The following IL1RAPL1 variants were observed in gnomAD, a reference collection of about 807,000 sequenced individuals.
The protein encoded by IL1RAPL1 is interleukin-1 receptor accessory protein-like 1.
Under a neutral mutation model 48.4 loss-of-function variants are expected in IL1RAPL1, and 3 were observed. The ratio of observed to expected loss-of-function variants is 0.06; its 90% CI spans 0.03 to 0.16. The LOEUF (loss-of-function observed/expected upper bound fraction) is 0.16. Among genes scored for constraint, IL1RAPL1 ranks in the 10% least tolerant of loss-of-function variants. The probability of loss-of-function intolerance (pLI) is 1.00; values close to 1 mark genes in which losing one functional copy is unlikely to be tolerated. For missense variants in IL1RAPL1, 349 were observed against 530.6 expected (o/e 0.66, Z 3.36); for synonymous variants, 185 against 187.7 (o/e 0.99, Z 0.12).
At chrX:28,588,502 A>G (rs1933874093) in intron 1 of IL1RAPL1, among the ~76,000 whole-genome samples, 1 of 111,988 alleles carries the variant, frequency 8.9e-6, no homozygotes, top group Non-Finnish European at 1.9e-5. Context: ...TAAAAGAAAT[A>G]TGTTTTCAAC....
At chrX:29,804,830 C>T (rs1471864738) in intron 6 of IL1RAPL1, among the ~76,000 whole-genome samples, 1 of 111,978 alleles carries the variant, frequency 8.9e-6, no homozygotes, top group East Asian at 2.8e-4. Flanking sequence ...AAAGGAAGCT[C>T]AAGCTCAACA....
chrX:29,750,307 T>C (rs185639562), intron 6 of IL1RAPL1, among the ~76,000 whole-genome samples: 1,388 of 112,317 alleles, frequency 0.012, 9 homozygotes, highest in Middle Eastern at 0.046. Flanking sequence ...AAGTAGTCCG[T>C]GACTTTGTAT....
intron 2 of IL1RAPL1, among the ~76,000 whole-genome samples, chrX:29,024,301 G>A (rs929055100): frequency 9.9e-5 from 11 of 111,341 alleles, no homozygotes; most frequent in African/African-American, 3.6e-4. Context: ...CCCTAATTAG[G>A]GATAAGATAT....
chrX:28,602,336 C>T (rs1410218635), intron 1 of IL1RAPL1, among the ~76,000 whole-genome samples: 1 of 111,850 alleles, frequency 8.9e-6, no homozygotes. Context: ...AAAATTGTTC[C>T]ATTTTTACTG....
At chrX:29,273,964 T>C (rs1932081174) in intron 2 of IL1RAPL1, among the ~76,000 whole-genome samples, 1 of 111,869 alleles carries the variant, frequency 8.9e-6, no homozygotes, top group Admixed American at 9.5e-5. Context: ...CTTAAACATA[T>C]ACAATTTTTA....
chrX:28,752,693 G>A (rs1044914168), intron 1 of IL1RAPL1, among the ~76,000 whole-genome samples: 1 of 112,316 alleles, frequency 8.9e-6, no homozygotes, highest in Non-Finnish European at 1.9e-5. Flanking sequence ...CAAGGTTTGG[G>A]AAAAGGTGAT....
intron 2 of IL1RAPL1, among the ~76,000 whole-genome samples, chrX:29,106,326 TTTGCCAAACACACATACC>T (rs1272842415): frequency 2.7e-5 from 3 of 111,333 alleles, no homozygotes; most frequent in Non-Finnish European, 5.7e-5. Flanking sequence ...CCATCACCCC[TTTGCCAAACACACATACC>T]TTGCTATGAA....
intron 1 of IL1RAPL1, among the ~76,000 whole-genome samples, chrX:28,698,511 A>C (rs981954468): frequency 1.8e-5 from 2 of 111,709 alleles, no homozygotes; most frequent in African/African-American, 6.5e-5. Context: ...AATTAAAATA[A>C]TCAGTATAAT....
intron 2 of IL1RAPL1, among the ~76,000 whole-genome samples, chrX:28,925,868 C>T (rs1005097433): frequency 2.7e-5 from 3 of 111,750 alleles, no homozygotes; most frequent in African/African-American, 9.8e-5. Context: ...TTGCAGTGAG[C>T]CAAGATCGTG....
chrX:29,421,245 A>G (rs1934287038), intron 5 of IL1RAPL1, among the ~76,000 whole-genome samples: 1 of 111,111 alleles, frequency 9.0e-6, no homozygotes, highest in African/African-American at 3.3e-5. Flanking sequence ...TTATTGGGCA[A>G]AAAGGAAAAA....
intron 6 of IL1RAPL1, among the ~76,000 whole-genome samples, chrX:29,837,272 A>AAAATATATATATATATATAT (rs1447926305): frequency 1.4e-5 from 1 of 72,122 alleles, no homozygotes; most frequent in African/African-American, 5.9e-5. Flanking sequence ...AAAAAAAAAA[A>AAAATATATATATATATATAT]ATATATATAT....
chrX:29,876,026 C>T (rs1931894804), intron 6 of IL1RAPL1, among the ~76,000 whole-genome samples: 1 of 111,127 alleles, frequency 9.0e-6, no homozygotes, highest in African/African-American at 3.3e-5. Flanking sequence ...ATGTGTCCAC[C>T]AAGATAGTAG....
At chrX:28,854,568 A>G (rs891500763) in intron 2 of IL1RAPL1, among the ~76,000 whole-genome samples, 3 of 111,547 alleles carry the variant, frequency 2.7e-5, no homozygotes, top group African/African-American at 6.5e-5. Flanking sequence ...CTAGAAAGAT[A>G]TATTTCAGCA....
intron 3 of IL1RAPL1, among the ~76,000 whole-genome samples, chrX:29,389,355 CAA>C (rs55950108): frequency 9.8e-4 from 52 of 52,866 alleles, no homozygotes; most frequent in Middle Eastern, 8.7e-3. Flanking sequence ...GACTCCATCT[CAA>C]AAAAAAAAAA....
At chrX:29,815,166 TG>T (rs1164200309) in intron 6 of IL1RAPL1, among the ~76,000 whole-genome samples, 2 of 111,770 alleles carry the variant, frequency 1.8e-5, no homozygotes, top group African/African-American at 3.2e-5. Context: ...TAAATTGCTT[TG>T]GGCAGTACAA....
At chrX:29,107,376 G>A (rs756841575) in intron 2 of IL1RAPL1, among the ~76,000 whole-genome samples, 1 of 112,161 alleles carries the variant, frequency 8.9e-6, no homozygotes, top group East Asian at 2.8e-4. Flanking sequence ...ACTGAATTCA[G>A]GCTTTTATGA....
chrX:29,333,183 C>G (rs1185748213), intron 3 of IL1RAPL1, among the ~76,000 whole-genome samples: 7 of 106,660 alleles, frequency 6.6e-5, no homozygotes, highest in Middle Eastern at 5.1e-3. Context: ...CAGACGGGGT[C>G]GTGGCCGGGC....
In IL1RAPL1 at chrX:29,358,784, C is replaced by T. The variant is rs983317812; in HGVS notation, c.363-37474C>T. On this transcript the variant is annotated intron_variant, in intron 3 of 10. Coordinates refer to ENST00000378993, the MANE Select transcript of IL1RAPL1 (RefSeq NM_014271.4). ...CTGTAATCTCAGCACTTTGGGAGGC[C>T]GAGGCAGGTGGATCATTTGAGGTCA... 8.1e-5 allele frequency among the ~76,000 whole-genome samples: 9 copies of T among 110,444 alleles called. No homozygotes were observed. The East Asian group carries it at 2.0e-3, about 25-fold the overall frequency.
At chrX:29,037,912 C>T (rs955577075) in intron 2 of IL1RAPL1, among the ~76,000 whole-genome samples, 7 of 111,447 alleles carry the variant, frequency 6.3e-5, no homozygotes, top group African/African-American at 2.3e-4. Context: ...CTCTGACAAA[C>T]GAGGTTTCAA....
Sources: allele counts gnomAD v4.1 joint callset (sites outside exome capture counted in the v4.1 genomes callset), GRCh38; gene constraint gnomAD v4.1.1; transcripts MANE v1.5; gene names NCBI Gene and HGNC (gene_info 2026-07-23, HGNC 2026-07-21).